BEND3: variants seen among roughly 807,000 people sequenced by gnomAD.
BEND3 encodes BEN domain-containing protein 3.
In BEND3, 13 loss-of-function variants were observed where a neutral mutation model predicts 60.1. The ratio of observed to expected loss-of-function variants is 0.22; its 90% CI spans 0.14 to 0.34. The LOEUF (loss-of-function observed/expected upper bound fraction) is 0.34. BEND3 is among the 10% of genes least tolerant of loss of function. The probability of loss-of-function intolerance (pLI) is 1.00; values close to 1 mark genes in which losing one functional copy is unlikely to be tolerated. For synonymous variants in BEND3, 497 were observed against 491.5 expected, an observed-to-expected ratio of 1.01 and a Z score of -0.15; for missense variants, 896 against 1,138.1, an observed-to-expected ratio of 0.79 and a Z score of 3.06.
chr6:107,075,856 C>T (rs535155112), intron 3 of BEND3, among the ~76,000 whole-genome samples: 36 of 152,160 alleles, frequency 2.4e-4, no homozygotes, highest in Non-Finnish European at 4.7e-4. Flanking sequence ...GTTTGACTCC[C>T]TCACATTCCT....
rs185361559 is a variant in BEND3, at chr6:107,101,701, T to C, written c.-11-2405A>G. 4.3e-3 allele frequency among the ~76,000 whole-genome samples: 651 copies of C among 152,328 alleles called. 16 individuals carry two copies. The highest frequency in any genetic ancestry group is 3.1e-3 in the Non-Finnish European group (214 of 68,028). ...CTCCTTCCACTGTATTTCAAGGAACTACACCTCACTTTGGATCGCCATCAT... is the reference window on the plus strand; with the variant it reads ...CTCCTTCCACTGTATTTCAAGGAACCACACCTCACTTTGGATCGCCATCAT... On this transcript the variant is annotated intron_variant, in intron 1 of 3. Coordinates refer to ENST00000369042, the MANE Select transcript of BEND3 (RefSeq NM_001367314.1).
chr6:107,069,920 T>C lies in BEND3; in HGVS notation c.1271A>G (p.Asp424Gly). 1.2e-6 allele frequency: 2 copies of C among 1,613,532 alleles called. No homozygotes were observed. Among genetic ancestry groups the C allele is most frequent in the South Asian group, 2.2e-5 (2 of 91,048 alleles). Reference protein sequence around the residue: ...LLHRLFPELFDHRKLGEQYSC... With the variant: ...LLHRLFPELFGHRKLGEQYSC... The stretch of plus-strand genomic sequence containing the variant: ...GTACTGTTCACCCAGCTTGCGGTGG[T>C]CGAAGAGCTCGGGGAAGAGCCGGTG... The change falls in exon 4 of 4, where the codon GAC (aspartate) becomes GGC (glycine). Residue 424 changes from aspartate to glycine, a missense_variant. Transcript: ENST00000369042.
intron 3 of BEND3, among the ~76,000 whole-genome samples, chr6:107,076,692 C>T (rs1462417818): frequency 1.3e-5 from 2 of 152,130 alleles, no homozygotes; most frequent in Non-Finnish European, 2.9e-5. Context: ...CGCTGGAACA[C>T]TCAGAAAGCA....
At chr6:107,083,244 T>C (rs1554233767) in intron 3 of BEND3, among the ~76,000 whole-genome samples, 1 of 152,208 alleles carries the variant, frequency 6.6e-6, no homozygotes, top group Non-Finnish European at 1.5e-5. Flanking sequence ...CGTGAAACTT[T>C]TGCCCAGATC....
At chr6:107,107,058 TC>T in intron 1 of BEND3, among the ~76,000 whole-genome samples, 1 of 150,528 alleles carries the variant, frequency 6.6e-6, no homozygotes. Context: ...TGCCCCAGCC[TC>T]CCAAGTATCT....
At chr6:107,104,517 T>TA (rs1262604816) in intron 1 of BEND3, among the ~76,000 whole-genome samples, 1 of 152,074 alleles carries the variant, frequency 6.6e-6, no homozygotes, top group African/African-American at 2.4e-5. Flanking sequence ...AAGTCCCTGA[T>TA]AAAAAATAGC....
At chr6:107,107,472 TA>T (rs1282122964) in intron 1 of BEND3, among the ~76,000 whole-genome samples, 3 of 152,072 alleles carry the variant, frequency 2.0e-5, no homozygotes, top group Non-Finnish European at 4.4e-5. Context: ...TTTATTTTTT[TA>T]TTTTTTTGAG....
intron 1 of BEND3, among the ~76,000 whole-genome samples, chr6:107,114,853 G>A (rs1770229013): frequency 6.7e-6 from 1 of 148,914 alleles, no homozygotes; most frequent in South Asian, 2.1e-4. Context: ...AAAGGGGCGC[G>A]CAGCACAATG....
intron 3 of BEND3, among the ~76,000 whole-genome samples, chr6:107,089,002 T>A (rs1211176599): frequency 6.6e-6 from 1 of 151,972 alleles, no homozygotes; most frequent in African/African-American, 2.4e-5. Context: ...AAAACTTAGC[T>A]GGGCGTGATG....
intron 3 of BEND3, among the ~76,000 whole-genome samples, chr6:107,091,268 T>C (rs2115019342): frequency 6.6e-6 from 1 of 151,658 alleles, no homozygotes; most frequent in Non-Finnish European, 1.5e-5. Flanking sequence ...GAAAAGCAAA[T>C]TAAATCCAAA....
intron 3 of BEND3, among the ~76,000 whole-genome samples, chr6:107,086,204 T>C (rs1197242431): frequency 2.0e-5 from 3 of 152,138 alleles, no homozygotes; most frequent in Non-Finnish European, 2.9e-5. Flanking sequence ...AGCTCCTGCC[T>C]TTCACCTGGA....
Position 107,069,363 on chromosome 6 carries a change from G to A in BEND3, c.1828C>T (p.Arg610Cys), listed in dbSNP as rs781931067. 5 of 1,612,710 alleles carry A rather than the reference G, an allele frequency of 3.1e-6. No homozygotes were observed. Among genetic ancestry groups the A allele is most frequent in the Non-Finnish European group, 4.2e-6 (5 of 1,179,856 alleles). ...ACGTAGTGGCGGATGAGCTTGATGC[G>A]GGAGGGGTCCAGCTGCTTCTTGCCC... ...SLGKKQLDPS[R>C]IKLIRHYVQL... is the part of the protein sequence containing the mutation. Residue 610 changes from arginine to cysteine, a missense_variant, in exon 4 of 4, where the codon CGC (arginine) becomes TGC (cysteine). Arg to Cys is a radical substitution (Grantham distance 180). Coordinates refer to ENST00000369042, the MANE Select transcript of BEND3 (RefSeq NM_001367314.1).
At position 107,099,219 on chromosome 6, in the gene BEND3, C is replaced by T. The variant is rs1554236452; in HGVS notation, c.37+30G>A. The T allele has an allele frequency of 6.4e-6, 10 of 1,566,274 alleles. No individual in the cohort carries two copies. The Admixed American group carries it at 1.5e-4, about 24-fold the overall frequency. On this transcript the variant is annotated intron_variant, in intron 2 of 3. Transcript: ENST00000369042. The stretch of plus-strand genomic sequence containing the variant: ...CTGATCAAAAGTATTCAGTTAAAAA[C>T]ATTTTTCAAAAAGGGCATTTTTTTT...
intron 1 of BEND3, among the ~76,000 whole-genome samples, chr6:107,108,664 T>C (rs1429139557): frequency 1.3e-5 from 2 of 152,024 alleles, no homozygotes; most frequent in Non-Finnish European, 1.5e-5. Context: ...GCCCCTGACA[T>C]ACAAGAAAAG....
intron 3 of BEND3, among the ~76,000 whole-genome samples, chr6:107,095,518 C>A (rs1236746495): frequency 6.6e-6 from 1 of 152,112 alleles, no homozygotes; most frequent in Non-Finnish European, 1.5e-5. Flanking sequence ...TTTTACCAAA[C>A]TAAACATAAT....
At chr6:107,097,905 G>C (rs1562312742) in intron 3 of BEND3, among the ~76,000 whole-genome samples, 2 of 150,492 alleles carry the variant, frequency 1.3e-5, no homozygotes, top group Admixed American at 1.3e-4. Context: ...TAAAATCTTA[G>C]TCTCATCATT....
rs368253547 is a variant in BEND3 at position 107,070,577 on chromosome 6, G to T, written c.614C>A (p.Thr205Asn). The T allele has an allele frequency of 6.2e-7, 1 of 1,612,826 alleles. No homozygotes were observed. Among genetic ancestry groups the T allele is most frequent in the Non-Finnish European group, 8.5e-7 (1 of 1,180,032 alleles). Reference sequence around the variant, plus strand: ...CAGCTGGGACATGTTGGACGTGAGGGTGTTCAGCATGTAGAACATCTTCTG... The same window carrying T: ...CAGCTGGGACATGTTGGACGTGAGGTTGTTCAGCATGTAGAACATCTTCTG... ...LIQKMFYMLN[T>N]LTSNMSQLHS... is the part of the protein sequence containing the mutation. Residue 205 changes from threonine (T) to asparagine (N), a missense_variant, in exon 4 of 4, where the codon ACC (threonine) becomes AAC (asparagine). This residue lies in a region of BEND3 where 846 missense variants were observed against 1,036.7 expected (regional missense o/e 0.82). Coordinates refer to ENST00000369042, the MANE Select transcript of BEND3 (RefSeq NM_001367314.1). This position sits in a 1 kb window ranked among gnomAD's most constrained non-coding sequence, Gnocchi z 6.9.
chr6:107,086,371 C>T (rs1775347627), intron 3 of BEND3, among the ~76,000 whole-genome samples: 3 of 152,070 alleles, frequency 2.0e-5, no homozygotes, highest in Non-Finnish European at 4.4e-5. Context: ...AATCCCAGCA[C>T]CCCAGGAGGC....
chr6:107,102,057 C>T (rs1554236804), intron 1 of BEND3, among the ~76,000 whole-genome samples: 1 of 152,098 alleles, frequency 6.6e-6, no homozygotes, highest in Non-Finnish European at 1.5e-5. Flanking sequence ...AGAAAAATTG[C>T]AAAGAGTCAA....
Sources: allele counts gnomAD v4.1 joint callset (sites outside exome capture counted in the v4.1 genomes callset), GRCh38; gene constraint gnomAD v4.1.1; regional missense constraint gnomAD v4.1.1; non-coding constraint Gnocchi (gnomAD v3.1); transcripts MANE v1.5; gene names NCBI Gene and HGNC (gene_info 2026-07-23, HGNC 2026-07-21).